PDE3A: variants seen among roughly 807,000 people sequenced by gnomAD.
PDE3A encodes phosphodiesterase 3A, also known as cGMP-inhibited 3',5'-cyclic phosphodiesterase 3A.
In PDE3A, 43 loss-of-function variants were observed where a neutral mutation model predicts 98.3. The ratio of observed to expected loss-of-function variants is 0.44; its 90% CI spans 0.34 to 0.56. The LOEUF (loss-of-function observed/expected upper bound fraction) is 0.56. Among genes scored for constraint, PDE3A ranks in the 20% least tolerant of loss-of-function variants. The pLI, the probability that PDE3A is intolerant of heterozygous loss-of-function variation, is 0.01. For missense variants in PDE3A, 1,427 were observed against 1,440.7 expected, an observed-to-expected ratio of 0.99 and a Z score of 0.15; for synonymous variants, 663 against 567.9, an observed-to-expected ratio of 1.17 and a Z score of -2.38.
rs1555145389 is a variant in PDE3A at position 20,431,613 on chromosome 12, A to ACACACG, written c.960+61374_960+61375insGCACAC. On this transcript the variant is annotated intron_variant, in intron 1 of 15. Coordinates refer to ENST00000359062, the MANE Select transcript of PDE3A (RefSeq NM_000921.5). ...CAGGAAAACACACACACACACACACACACACACACGCACACACACGCACGC... is the reference window on the plus strand; with the variant it reads ...CAGGAAAACACACACACACACACACACACACGCACACACACGCACACACACGCACGC... Among the ~76,000 whole-genome samples, 118 of 150,926 alleles carry ACACACG rather than the reference A, an allele frequency of 7.8e-4. 1 individual carries two copies. The highest frequency in any genetic ancestry group is 3.4e-3 in the Middle Eastern group (1 of 294).
intron 1 of PDE3A, among the ~76,000 whole-genome samples, chr12:20,547,458 T>C (rs1020964134): frequency 6.6e-5 from 10 of 152,202 alleles, no homozygotes; most frequent in African/African-American, 2.4e-4. Context: ...GAGTACATGA[T>C]GAAATAGAAA....
At chr12:20,616,647 G>A (rs555719974) in intron 4 of PDE3A, among the ~76,000 whole-genome samples, 3 of 152,086 alleles carry the variant, frequency 2.0e-5, no homozygotes, top group South Asian at 2.1e-4. Flanking sequence ...TAGATGGGAA[G>A]GGTTAAGCCC....
intron 1 of PDE3A, among the ~76,000 whole-genome samples, chr12:20,370,816 G>A (rs975352974): frequency 1.3e-5 from 2 of 152,202 alleles, no homozygotes; most frequent in African/African-American, 2.4e-5. Flanking sequence ...TTTATTTGGA[G>A]AGACTGCAGC....
At chr12:20,557,808 A>T (rs1289369854) in intron 2 of PDE3A, among the ~76,000 whole-genome samples, 1 of 152,152 alleles carries the variant, frequency 6.6e-6, no homozygotes, top group Non-Finnish European at 1.5e-5. Context: ...AAAAGAATTT[A>T]TGCCTTACTT....
At chr12:20,655,628 A>G (rs1275031703) in intron 15 of PDE3A, among the ~76,000 whole-genome samples, 1 of 152,188 alleles carries the variant, frequency 6.6e-6, no homozygotes, top group Non-Finnish European at 1.5e-5. Flanking sequence ...GCAACAACAA[A>G]TAAGTCAGCC....
chr12:20,633,925 C>A, intron 7 of PDE3A, 147 bp downstream of exon 7: 1 of 548,550 alleles, frequency 1.8e-6, no homozygotes. Context: ...GTCTCAAACT[C>A]CTGGCCTCAA....
chr12:20,580,806 C>T (rs941718923), intron 2 of PDE3A, among the ~76,000 whole-genome samples: 1 of 152,192 alleles, frequency 6.6e-6, no homozygotes, highest in Non-Finnish European at 1.5e-5. Flanking sequence ...TGCACACTCG[C>T]ATGTTGCTGT....
intron 1 of PDE3A, among the ~76,000 whole-genome samples, chr12:20,387,073 A>G (rs1279081893): frequency 6.6e-6 from 1 of 152,090 alleles, no homozygotes; most frequent in Admixed American, 6.6e-5. Context: ...GTTGAAGATC[A>G]GATGGTTGTA....
chr12:20,544,748 A>G (rs1942006744), intron 1 of PDE3A, among the ~76,000 whole-genome samples: 1 of 151,926 alleles, frequency 6.6e-6, no homozygotes, highest in Non-Finnish European at 1.5e-5. Context: ...TTCCATATCC[A>G]TAAAATATGG....
At chr12:20,624,678 G>C (rs1371710455) in intron 5 of PDE3A, among the ~76,000 whole-genome samples, 1 of 152,152 alleles carries the variant, frequency 6.6e-6, no homozygotes, top group Non-Finnish European at 1.5e-5. Context: ...TATATCCCAG[G>C]CATGCTGAAT....
In PDE3A at chr12:20,588,568, T is replaced by C. The variant is rs79062503; in HGVS notation, c.1012-24875T>C. On this transcript the variant is annotated intron_variant, in intron 2 of 15. Coordinates refer to ENST00000359062, the MANE Select transcript of PDE3A (RefSeq NM_000921.5). ...GCAGTGGTGGGCTACAGAACAAAAATGCAGATTCCGTGAATTGACCCCAAG... is the reference window on the plus strand; with the variant it reads ...GCAGTGGTGGGCTACAGAACAAAAACGCAGATTCCGTGAATTGACCCCAAG... 3.3e-5 allele frequency among the ~76,000 whole-genome samples: 5 copies of C among 152,244 alleles called. No individual in the cohort carries two copies. The East Asian group carries it at 9.7e-4, about 30-fold the overall frequency.
At chr12:20,670,051 G>T (rs1225016248) in intron 15 of PDE3A, among the ~76,000 whole-genome samples, 5 of 150,450 alleles carry the variant, frequency 3.3e-5, no homozygotes, top group Non-Finnish European at 7.4e-5. Context: ...TGCAATCCTA[G>T]TCTCTGATAA....
At chr12:20,669,723 C>A in intron 15 of PDE3A, among the ~76,000 whole-genome samples, 1 of 152,104 alleles carries the variant, frequency 6.6e-6, no homozygotes, top group Middle Eastern at 3.4e-3. Context: ...AAGGAACAAC[C>A]AGTACCAGCT....
rs552995662 is a variant in PDE3A, at chr12:20,496,524, C to T, written c.961-60136C>T. Among the ~76,000 whole-genome samples, 5 of 152,078 alleles carry T rather than the reference C, an allele frequency of 3.3e-5. No individual in the cohort carries two copies. The South Asian group carries it at 6.2e-4, about 19-fold the overall frequency. On this transcript the variant is annotated intron_variant, in intron 1 of 15. Transcript: ENST00000359062. Reference sequence around the variant, plus strand: ...CCTGGGTACTCCACATCCCACCCCCCACCGCCACCCCGCAACACCCCGAAT... The same window carrying T: ...CCTGGGTACTCCACATCCCACCCCCTACCGCCACCCCGCAACACCCCGAAT...
intron 1 of PDE3A, among the ~76,000 whole-genome samples, chr12:20,450,513 G>A (rs7484496): frequency 0.036 from 5,497 of 152,282 alleles, 322 homozygotes; most frequent in African/African-American, 0.13. Context: ...AACTCCTTCA[G>A]CTTGAAGCTG....
At chr12:20,444,675 T>C (rs1345347516) in intron 1 of PDE3A, among the ~76,000 whole-genome samples, 1 of 152,198 alleles carries the variant, frequency 6.6e-6, no homozygotes, top group African/African-American at 2.4e-5. Flanking sequence ...CTCTCTGATC[T>C]GAACAAGCCA....
intron 1 of PDE3A, among the ~76,000 whole-genome samples, chr12:20,440,288 G>T (rs1208979515): frequency 6.6e-6 from 1 of 152,100 alleles, no homozygotes; most frequent in Non-Finnish European, 1.5e-5. Context: ...GTAATTATAA[G>T]GAAAAAGAAA....
intron 3 of PDE3A, 21 bp from the exon 4 acceptor site, chr12:20,616,209 G>GAAGT (rs1478219336): frequency 6.2e-7 from 1 of 1,609,586 alleles, no homozygotes; most frequent in South Asian, 1.1e-5. Context: ...TCTGGGTAAT[G>GAAGT]AAGTCAAGTC....
chr12:20,516,024 G>A (rs1203075486), intron 1 of PDE3A, among the ~76,000 whole-genome samples: 3 of 149,898 alleles, frequency 2.0e-5, no homozygotes, highest in African/African-American at 7.5e-5. Flanking sequence ...GAGCCACCGC[G>A]CCCGGCCTAT....
Sources: allele counts gnomAD v4.1 joint callset (sites outside exome capture counted in the v4.1 genomes callset), GRCh38; gene constraint gnomAD v4.1.1; transcripts MANE v1.5; gene names NCBI Gene and HGNC (gene_info 2026-07-23, HGNC 2026-07-21).